MYH16: variants seen among roughly 807,000 people sequenced by gnomAD.
MYH16 encodes the protein myosin heavy chain 16.
At chr7:99,280,922 G>A (rs911896583) in exon 23 of MYH16, 10 of 425,078 alleles carry the variant, frequency 2.4e-5, no homozygotes, top group Non-Finnish European at 3.3e-5. Context: ...CTCTCACTCC[G>A]TGAAGACTCC....
At chr7:99,300,874 T>C (rs1189333303) in intron 37 of MYH16, among the ~76,000 whole-genome samples, 1 of 151,984 alleles carries the variant, frequency 6.6e-6, no homozygotes, top group Non-Finnish European at 1.5e-5. Flanking sequence ...ACTGTATTAT[T>C]AAAACTGGTG....
intron 33 of MYH16, among the ~76,000 whole-genome samples, chr7:99,294,520 A>G (rs866136871): frequency 3.0e-3 from 361 of 118,700 alleles, no homozygotes; most frequent in African/African-American, 0.013. Flanking sequence ...AAAAAAAAAA[A>G]AAAAGAAAAA....
At chr7:99,290,255 G>A (rs1214213564) in intron 30 of MYH16, among the ~76,000 whole-genome samples, 2 of 151,998 alleles carry the variant, frequency 1.3e-5, no homozygotes, top group Non-Finnish European at 2.9e-5. Flanking sequence ...AGGCCAAGGC[G>A]GGAGGATTAC....
intron 4 of MYH16, among the ~76,000 whole-genome samples, chr7:99,249,689 G>A (rs1791787155): frequency 6.7e-6 from 1 of 149,360 alleles, no homozygotes. Context: ...CTGAGTAGCT[G>A]GGATTACAGG....
intron 33 of MYH16, 129 bp downstream of exon 14, chr7:99,294,279 G>T: frequency 3.0e-6 from 1 of 336,014 alleles, no homozygotes; most frequent in Non-Finnish European, 5.9e-6. Flanking sequence ...TGCAATGCAG[G>T]GGTGCCTTCA....
chr7:99,249,242 C>G (rs867503106), intron 4 of MYH16, among the ~76,000 whole-genome samples: 1 of 152,032 alleles, frequency 6.6e-6, no homozygotes, highest in Non-Finnish European at 1.5e-5. Flanking sequence ...GGGCAAAATG[C>G]GAACAGAAGT....
intron 38 of MYH16, among the ~76,000 whole-genome samples, chr7:99,302,032 T>C (rs1312363240): frequency 6.6e-6 from 1 of 151,964 alleles, no homozygotes; most frequent in East Asian, 1.9e-4. Context: ...GGCCAGGCAC[T>C]GTGGCTCATG....
chr7:99,245,243 T>C (rs576101807), intron 2 of MYH16, among the ~76,000 whole-genome samples: 4 of 152,370 alleles, frequency 2.6e-5, no homozygotes, highest in African/African-American at 7.2e-5. Flanking sequence ...TGGATCAGTT[T>C]GTACTTAATA....
chr7:99,275,969 C>T (rs1384399410), intron 20 of MYH16, among the ~76,000 whole-genome samples: 4 of 152,164 alleles, frequency 2.6e-5, no homozygotes, highest in South Asian at 2.1e-4. Context: ...CTCAGGTGAT[C>T]TGCCCGCCTT....
At chr7:99,263,334 G>A (rs1001150205) in exon 14 of MYH16, 1 of 153,784 alleles carries the variant, frequency 6.5e-6, no homozygotes, top group Non-Finnish European at 1.5e-5. Flanking sequence ...CCCTCTCCAG[G>A]TGGGATATAA....
chr7:99,276,352 A>G (rs527536786), intron 20 of MYH16, among the ~76,000 whole-genome samples: 7 of 152,296 alleles, frequency 4.6e-5, no homozygotes, highest in South Asian at 4.1e-4. Flanking sequence ...AAATGTATCT[A>G]TTGACTATGT....
At chr7:99,294,500 C>CAAAAAAAAAAAAAAAAAAAA (rs1159682450) in intron 33 of MYH16, among the ~76,000 whole-genome samples, 30 of 25,510 alleles carry the variant, frequency 1.2e-3, no homozygotes, top group Non-Finnish European at 1.7e-3. Context: ...GACCCTGTCT[C>CAAAAAAAAAAAAAAAAAAAA]AAAAAAAAAA....
chr7:99,290,179 C>T (rs10953286), intron 30 of MYH16, among the ~76,000 whole-genome samples: 51,299 of 152,014 alleles, frequency 0.34, 14,957 homozygotes, highest in African/African-American at 0.79. Context: ...CTTCTCACAT[C>T]TGGAATTCTT....
At chr7:99,292,975 A>C (rs1488030564) in intron 32 of MYH16, among the ~76,000 whole-genome samples, 1 of 144,260 alleles carries the variant, frequency 6.9e-6, no homozygotes, top group Non-Finnish European at 1.5e-5. Context: ...AAAAAAAAAA[A>C]ACTACATAAG....
intron 21 of MYH16, among the ~76,000 whole-genome samples, chr7:99,278,289 G>A (rs1480556937): frequency 6.6e-6 from 1 of 152,096 alleles, no homozygotes; most frequent in Non-Finnish European, 1.5e-5. Context: ...GGCACACACA[G>A]CTACAGGACC....
intron 41 of MYH16, among the ~76,000 whole-genome samples, 174 bp downstream of exon 22, chr7:99,306,210 C>T (rs560988262): frequency 4.6e-5 from 7 of 152,238 alleles, no homozygotes; most frequent in African/African-American, 1.4e-4. Context: ...GGAGGGAGGA[C>T]CAGACACTAC....
At chr7:99,250,526 A>G (rs1791797397) in intron 5 of MYH16, among the ~76,000 whole-genome samples, 1 of 152,164 alleles carries the variant, frequency 6.6e-6, no homozygotes, top group Non-Finnish European at 1.5e-5. Context: ...GGGTCGCTTG[A>G]GTCCCTGAGT....
downstream of MYH16, among the ~76,000 whole-genome samples, chr7:99,309,463 T>C (rs1348668066): frequency 6.6e-6 from 1 of 152,228 alleles, no homozygotes; most frequent in African/African-American, 2.4e-5. Context: ...GGGCACAGAA[T>C]CTTTTTCTGA....
At chr7:99,269,977 G>A (rs1157472336) in intron 18 of MYH16, among the ~76,000 whole-genome samples, 2 of 148,996 alleles carry the variant, frequency 1.3e-5, no homozygotes, top group African/African-American at 2.5e-5. Context: ...GGGTTTAAGC[G>A]ATTCTCCTGC....
Sources: allele counts gnomAD v4.1 joint callset (sites outside exome capture counted in the v4.1 genomes callset), GRCh38; gene constraint gnomAD v4.1.1; transcripts MANE v1.5; gene names NCBI Gene and HGNC (gene_info 2026-07-23, HGNC 2026-07-21).